SUMF1: variants seen among roughly 807,000 people sequenced by gnomAD.
SUMF1 encodes the protein sulfatase modifying factor 1.
In SUMF1, 48 loss-of-function variants were observed where a neutral mutation model predicts 47.6. The ratio of observed to expected loss-of-function variants is 1.01; its 90% confidence interval spans 0.80 to 1.28. SUMF1 has a LOEUF of 1.28. SUMF1 is among the 50% of genes most tolerant of loss of function. The pLI is 0.00. For missense variants in SUMF1, 571 were observed against 485.4 expected (o/e 1.18, Z -1.66); for synonymous variants, 230 against 192.1 (o/e 1.20, Z -1.63).
At chr3:4,342,069 C>A (rs1189880024) in intron 8 of SUMF1, among the ~76,000 whole-genome samples, 1 of 152,180 alleles carries the variant, frequency 6.6e-6, no homozygotes, top group African/African-American at 2.4e-5. Flanking sequence ...CAGGTTCCAA[C>A]AAAGAAAGCA....
At chr3:4,409,960 T>C (rs189338279) in intron 7 of SUMF1, among the ~76,000 whole-genome samples, 2 of 152,364 alleles carry the variant, frequency 1.3e-5, no homozygotes, top group African/African-American at 4.8e-5. Flanking sequence ...GAATTAATTT[T>C]CTTTATCATT....
chr3:4,237,904 A>C (rs1696445508), intron 8 of SUMF1, among the ~76,000 whole-genome samples: 1 of 152,098 alleles, frequency 6.6e-6, no homozygotes, highest in Admixed American at 6.5e-5. Flanking sequence ...TACATTAGGT[A>C]TTGGTCCTAA....
chr3:4,185,283 G>C (rs1286828686), intron 8 of SUMF1, among the ~76,000 whole-genome samples: 3 of 152,146 alleles, frequency 2.0e-5, no homozygotes, highest in Non-Finnish European at 4.4e-5. Context: ...AGATTTCTAT[G>C]TGTTCAAAAT....
intron 3 of SUMF1, among the ~76,000 whole-genome samples, chr3:4,444,496 A>G (rs1410417890): frequency 6.6e-6 from 1 of 152,216 alleles, no homozygotes; most frequent in Non-Finnish European, 1.5e-5. Context: ...ACTAGGGGAG[A>G]AACAGGAAAA....
intron 6 of SUMF1, among the ~76,000 whole-genome samples, chr3:4,415,603 A>G (rs953952798): frequency 1.3e-5 from 2 of 152,122 alleles, no homozygotes; most frequent in African/African-American, 4.8e-5. Context: ...GCCTGAAGTC[A>G]GGAGTTCAAG....
intron 6 of SUMF1, among the ~76,000 whole-genome samples, chr3:4,411,557 CT>C (rs1701542634): frequency 6.6e-6 from 1 of 152,068 alleles, no homozygotes; most frequent in Non-Finnish European, 1.5e-5. Flanking sequence ...GGTTTTCAGT[CT>C]CTGAAACCTG....
intron 7 of SUMF1, among the ~76,000 whole-genome samples, chr3:4,397,376 C>T (rs994013214): frequency 2.0e-5 from 3 of 152,168 alleles, no homozygotes; most frequent in Admixed American, 6.5e-5. Flanking sequence ...AACTGTCAGT[C>T]CTGAGTGCAG....
rs73807238 is a variant in SUMF1, at chr3:4,444,278, G to A, written c.519+4988C>T. 6.5e-3 allele frequency among the ~76,000 whole-genome samples: 992 copies of A among 152,276 alleles called. 13 individuals are homozygous for A. The highest frequency in any genetic ancestry group is 0.023 in the African/African-American group (948 of 41,542). On this transcript the variant is annotated intron_variant, in intron 3 of 8. Coordinates refer to ENST00000272902, the MANE Select transcript of SUMF1 (RefSeq NM_182760.4). ...ACTGTTATCAACGGGCAAAAACTCA[G>A]GGCATATTGTTCCCATGGCCACTTC...
chr3:4,284,327 T>C (rs2125048690), intron 8 of SUMF1, among the ~76,000 whole-genome samples: 1 of 151,506 alleles, frequency 6.6e-6, no homozygotes, highest in Non-Finnish European at 1.5e-5. Flanking sequence ...TGGGAGGATT[T>C]CCTGAGCCCT....
chr3:4,284,247 T>G (rs1697584763), intron 8 of SUMF1, among the ~76,000 whole-genome samples: 1 of 151,240 alleles, frequency 6.6e-6, no homozygotes, highest in Non-Finnish European at 1.5e-5. Context: ...AAATCCCATT[T>G]CTACAAAAAA....
chr3:4,176,673 A>G (rs959432989), intron 8 of SUMF1, among the ~76,000 whole-genome samples: 2 of 152,208 alleles, frequency 1.3e-5, no homozygotes, highest in Non-Finnish European at 2.9e-5. Context: ...GAGATGATCA[A>G]ATTCACACAT....
intron 8 of SUMF1, among the ~76,000 whole-genome samples, chr3:4,265,704 C>A (rs888687984): frequency 1.3e-5 from 2 of 152,118 alleles, no homozygotes; most frequent in African/African-American, 4.8e-5. Context: ...ATGGTAGTTT[C>A]TTTTGCTGTG....
chr3:4,404,574 A>G (rs541120395), intron 7 of SUMF1, among the ~76,000 whole-genome samples: 6 of 152,302 alleles, frequency 3.9e-5, no homozygotes, highest in African/African-American at 9.6e-5. Context: ...CCTGACCAAC[A>G]TGGCGAAACC....
chr3:4,234,805 T>TACATG lies in SUMF1; in HGVS notation c.1014+141520_1014+141524dup, dbSNP rs2124987762. Among the ~76,000 whole-genome samples the TACATG allele has an allele frequency of 2.0e-5, 3 of 152,210 alleles. No homozygotes were observed. In the South Asian group the frequency reaches 6.2e-4, roughly 32 times the overall value. On this transcript the variant is annotated intron_variant and NMD_transcript_variant, in intron 8 of 12. Coordinates refer to the SUMF1 transcript ENST00000448413. ...TCCAGGCCAAAAAAAGAAAAAAGCC[T>TACATG]ACATGACATTCCAGAAGCAAAAGAG...
intron 8 of SUMF1, among the ~76,000 whole-genome samples, chr3:4,111,293 C>A (rs1393134746): frequency 6.6e-6 from 1 of 151,952 alleles, no homozygotes; most frequent in African/African-American, 2.4e-5. Context: ...TGAAAAAGGT[C>A]CACATGGAAG....
At chr3:4,313,078 G>A (rs1698479505) in intron 8 of SUMF1, 2 of 1,613,964 alleles carry the variant, frequency 1.2e-6, no homozygotes, top group Non-Finnish European at 1.7e-6. Flanking sequence ...AAAGTATGCA[G>A]AGCCTGTTTT....
chr3:4,467,101 A>G lies in SUMF1; in HGVS notation c.145T>C (p.Ser49Pro). Residue 49 changes from serine to proline, a missense_variant, in exon 1 of 9, where the codon TCT becomes CCT. Physicochemically the swap from Ser to Pro is moderately conservative, Grantham distance 74. Transcript: ENST00000272902. ...CGCTGGGGCGTGCCGCAGCCGCAAG[A>G]ACCCGCAAGGGACCCCGCGCCCGCA... ...TGAGAGSLAG[S>P]CGCGTPQRPG... The G allele has an allele frequency of 3.8e-6, 6 of 1,562,732 alleles. No individual in the cohort carries two copies. The highest frequency in any genetic ancestry group is 5.2e-6 in the Non-Finnish European group (6 of 1,154,804).
Position 4,158,087 on chromosome 3 carries a change from T to C in SUMF1, c.1015-89342A>G, listed in dbSNP as rs989524998. ...TTCAATTCAAAGAGCATCTGCCCTGTGCCAGGTGTTGTACTTGGCATCCTT... is the reference window on the plus strand; with the variant it reads ...TTCAATTCAAAGAGCATCTGCCCTGCGCCAGGTGTTGTACTTGGCATCCTT... On this transcript the variant is annotated intron_variant and NMD_transcript_variant, in intron 8 of 12. Transcript: ENST00000448413. Among the ~76,000 whole-genome samples the C allele has an allele frequency of 3.3e-5, 5 of 151,656 alleles. 1 individual carries two copies. The highest frequency in any genetic ancestry group is 1.2e-4 in the African/African-American group (5 of 40,972).
At chr3:4,122,094 ATTTTCT>A (rs1264691250) in intron 8 of SUMF1, among the ~76,000 whole-genome samples, 3 of 152,000 alleles carry the variant, frequency 2.0e-5, no homozygotes, top group African/African-American at 7.2e-5. Context: ...TATGTACCAC[ATTTTCT>A]TTATATAGTC....
Sources: gnomAD v4.1 joint callset for allele counts (sites outside exome capture counted in the v4.1 genomes callset) on GRCh38, gnomAD v4.1.1 for gene constraint, MANE v1.5 for transcripts, NCBI Gene and HGNC (gene_info 2026-07-23, HGNC 2026-07-21) for gene names.